GMDS: variants seen among roughly 807,000 people sequenced by gnomAD.
GMDS encodes GDP-mannose 4,6-dehydratase.
GMDS carries 20 observed loss-of-function variants against 49.9 expected under a neutral mutation model. The ratio of observed to expected loss-of-function variants is 0.40; its 90% CI spans 0.28 to 0.58. The LOEUF (loss-of-function observed/expected upper bound fraction) is 0.58. Ranked by LOEUF, GMDS falls within the 20% of genes least tolerant of loss-of-function variation. GMDS has a pLI of 0.42. For synonymous variants in GMDS, 177 were observed against 178.6 expected, an observed-to-expected ratio of 0.99 and a Z score of 0.07; for missense variants, 362 against 481.4, an observed-to-expected ratio of 0.75 and a Z score of 2.32.
chr6:1,892,903 A>G (rs763321532), intron 7 of GMDS, among the ~76,000 whole-genome samples: 10 of 152,190 alleles, frequency 6.6e-5, no homozygotes, highest in Non-Finnish European at 1.5e-4. Context: ...AGACCGCTGC[A>G]CAGAACCCAG....
intron 9 of GMDS, among the ~76,000 whole-genome samples, chr6:1,637,458 C>T (rs991935815): frequency 2.0e-5 from 3 of 152,250 alleles, no homozygotes; most frequent in African/African-American, 2.4e-5. Flanking sequence ...GCTGGACTTC[C>T]GGGGAGCTGT....
At chr6:1,730,443 C>T (rs947342018) in intron 8 of GMDS, among the ~76,000 whole-genome samples, 3 of 152,140 alleles carry the variant, frequency 2.0e-5, no homozygotes, top group Non-Finnish European at 4.4e-5. Context: ...CAGAAGTTCC[C>T]AAATGCTCAG....
chr6:1,875,855 G>A (rs565949570), intron 7 of GMDS, among the ~76,000 whole-genome samples: 6 of 151,754 alleles, frequency 4.0e-5, no homozygotes, highest in South Asian at 2.1e-4. Flanking sequence ...GAGAAACCCC[G>A]TTTCTACTAA....
At chr6:1,880,432 G>C (rs866239653) in intron 7 of GMDS, among the ~76,000 whole-genome samples, 5 of 152,182 alleles carry the variant, frequency 3.3e-5, no homozygotes, top group Non-Finnish European at 7.4e-5. Context: ...ACTCCAGCCT[G>C]GGTGACACAG....
At chr6:1,852,729 A>G (rs779301265) in intron 7 of GMDS, among the ~76,000 whole-genome samples, 2 of 141,582 alleles carry the variant, frequency 1.4e-5, no homozygotes, top group African/African-American at 3.0e-5. Flanking sequence ...TTTTCCCGAG[A>G]TGGAGTTTCG....
chr6:2,016,813 T>C (rs1030496568), intron 4 of GMDS, among the ~76,000 whole-genome samples: 1 of 152,172 alleles, frequency 6.6e-6, no homozygotes, highest in African/African-American at 2.4e-5. Context: ...TATTTCTAAA[T>C]AACCCATGGG....
chr6:2,013,351 C>G (rs910901932), intron 4 of GMDS, among the ~76,000 whole-genome samples: 1 of 152,150 alleles, frequency 6.6e-6, no homozygotes. Flanking sequence ...TAAAAGCTTA[C>G]TATCTCAGTT....
At chr6:1,873,441 T>C (rs902550209) in intron 7 of GMDS, among the ~76,000 whole-genome samples, 2 of 152,112 alleles carry the variant, frequency 1.3e-5, no homozygotes, top group African/African-American at 4.8e-5. Context: ...GAATGGAATT[T>C]TGAGCAACAG....
intron 6 of GMDS, among the ~76,000 whole-genome samples, chr6:1,958,589 C>G (rs891189867): frequency 2.0e-5 from 3 of 152,142 alleles, no homozygotes; most frequent in African/African-American, 4.8e-5. Context: ...AACAGCCCAT[C>G]ATGGGAATTT....
intron 9 of GMDS, among the ~76,000 whole-genome samples, chr6:1,714,400 A>T (rs1561751527): frequency 6.8e-6 from 1 of 147,760 alleles, no homozygotes; most frequent in Non-Finnish European, 1.5e-5. Context: ...TTGCACTTAC[A>T]TTAAAAAAAA....
chr6:2,198,262 G>T (rs1779360298), intron 1 of GMDS, among the ~76,000 whole-genome samples: 1 of 152,194 alleles, frequency 6.6e-6, no homozygotes, highest in South Asian at 2.1e-4. Context: ...GCATATGCCT[G>T]TACACATTAT....
chr6:1,903,288 C>A (rs566584421), intron 7 of GMDS, among the ~76,000 whole-genome samples: 1 of 152,192 alleles, frequency 6.6e-6, no homozygotes, highest in Non-Finnish European at 1.5e-5. Flanking sequence ...TATACACTTT[C>A]TTGTTTCCTA....
chr6:2,137,488 C>T (rs1370071140), intron 1 of GMDS, among the ~76,000 whole-genome samples: 2 of 152,132 alleles, frequency 1.3e-5, no homozygotes, highest in Non-Finnish European at 2.9e-5. Flanking sequence ...CATGCGTCAC[C>T]ATACCCGGCT....
intron 1 of GMDS, among the ~76,000 whole-genome samples, chr6:2,205,111 CTTAA>C (rs1461394512): frequency 6.6e-6 from 1 of 152,100 alleles, no homozygotes; most frequent in African/African-American, 2.4e-5. Flanking sequence ...GTTTTTCTCA[CTTAA>C]TTCTCTCAGC....
Position 1,644,245 on chromosome 6 carries a change from G to A in GMDS, c.988-19705C>T, listed in dbSNP as rs543273880. Among the ~76,000 whole-genome samples the A allele has an allele frequency of 6.6e-5, 10 of 152,314 alleles. No individual in the cohort carries two copies. The South Asian group carries it at 1.2e-3, about 19-fold the overall frequency. Reference sequence around the variant, plus strand: ...GGGAGACCCCTGATTCCACCCGAGCGAACGTGTGAACGATAGCGGATGGCA... The same window carrying A: ...GGGAGACCCCTGATTCCACCCGAGCAAACGTGTGAACGATAGCGGATGGCA... On this transcript the variant is annotated intron_variant, in intron 9 of 10. Coordinates refer to ENST00000380815, the MANE Select transcript of GMDS (RefSeq NM_001500.4).
chr6:2,241,341 G>A (rs1187897495), intron 1 of GMDS, among the ~76,000 whole-genome samples: 1 of 152,136 alleles, frequency 6.6e-6, no homozygotes, highest in East Asian at 1.9e-4. Context: ...CCGTTAAGTT[G>A]GTGCTGGAAC....
At chr6:1,980,750 C>T (rs1357445666) in intron 4 of GMDS, among the ~76,000 whole-genome samples, 1 of 152,046 alleles carries the variant, frequency 6.6e-6, no homozygotes, top group East Asian at 1.9e-4. Flanking sequence ...CTTCTCATAG[C>T]CACGTGAGAC....
At chr6:1,721,644 T>C (rs1766388387) in intron 9 of GMDS, among the ~76,000 whole-genome samples, 1 of 152,208 alleles carries the variant, frequency 6.6e-6, no homozygotes, top group South Asian at 2.1e-4. Context: ...TCTTTGCTTT[T>C]TTTTTCTTTT....
intron 1 of GMDS, among the ~76,000 whole-genome samples, chr6:2,231,074 A>G (rs973219861): frequency 1.6e-4 from 24 of 151,742 alleles, no homozygotes; most frequent in African/African-American, 5.6e-4. Flanking sequence ...ATCTGTCACC[A>G]CCCAGAAGGT....
Sources: allele counts gnomAD v4.1 joint callset (sites outside exome capture counted in the v4.1 genomes callset), GRCh38; gene constraint gnomAD v4.1.1; transcripts MANE v1.5; gene names NCBI Gene and HGNC (gene_info 2026-07-23, HGNC 2026-07-21).